PPDPFL: variants seen among roughly 807,000 people sequenced by gnomAD.
The protein encoded by PPDPFL is pancreatic progenitor cell differentiation and proliferation factor-like protein.
PPDPFL carries 12 observed loss-of-function variants against 12.6 expected under a neutral mutation model. The observed-to-expected ratio is 0.95, with a 90% CI of 0.61 to 1.54. The LOEUF is 1.54. Among genes scored for constraint, PPDPFL ranks in the 40% most tolerant of loss-of-function variants. PPDPFL has a pLI of 0.00. For synonymous variants in PPDPFL, 24 were observed against 32.7 expected (o/e 0.73, Z 0.91); for missense variants, 114 against 96.0 (o/e 1.19, Z -0.78).
At chr8:49,066,111 A>G (rs925304763) in intron 1 of PPDPFL, among the ~76,000 whole-genome samples, 8 of 152,228 alleles carry the variant, frequency 5.3e-5, no homozygotes, top group African/African-American at 1.7e-4. Context: ...TAAACAACGC[A>G]TTTCTCACAG....
At position 49,074,058 on chromosome 8, in the gene PPDPFL, G is replaced by C. The variant is rs1249846065; in HGVS notation, c.56-1G>C. ...TGTTTAATATCATTTGTTTCCTACA[G>C]AGTCCAGTGTTTCTTCAGTTAGTTC... On this transcript the variant is annotated splice_acceptor_variant, in intron 2 of 4. Coordinates refer to ENST00000522267, the MANE Select transcript of PPDPFL (RefSeq NM_001256597.2). LOFTEE classifies it high-confidence loss of function. 6.2e-7 allele frequency: 1 copy of C among 1,605,100 alleles called. No homozygotes were observed. Among genetic ancestry groups the C allele is most frequent in the East Asian group, 2.2e-5 (1 of 44,804 alleles).
At chr8:49,074,952 G>A (rs558888272) in intron 4 of PPDPFL, 200 bp from the exon 5 acceptor site, 159 of 1,376,238 alleles carry the variant, frequency 1.2e-4, no homozygotes, top group South Asian at 4.1e-4. Context: ...TGATTCTGAT[G>A]AATTTCCTAT....
chr8:49,068,137 C>A (rs1009726439), upstream of PPDPFL, among the ~76,000 whole-genome samples: 21 of 152,254 alleles, frequency 1.4e-4, no homozygotes, highest in Admixed American at 1.3e-3. Flanking sequence ...ATTTTTAGAA[C>A]CTAAACTACC....
upstream of PPDPFL, among the ~76,000 whole-genome samples, chr8:49,070,323 C>T (rs1808357779): frequency 6.6e-6 from 1 of 152,158 alleles, no homozygotes; most frequent in South Asian, 2.1e-4. Context: ...ATGAAAGAAT[C>T]TGTACAGCAA....
At position 49,072,856 on chromosome 8, in the gene PPDPFL, G is replaced by C. The variant is rs752523434; in HGVS notation, c.26G>C (p.Cys9Ser). Residue 9 changes from cysteine (C) to serine (S), a missense_variant, in exon 2 of 5, where the codon TGC becomes TCC. Coordinates refer to ENST00000522267, the MANE Select transcript of PPDPFL (RefSeq NM_001256597.2). ...ATGGCATCCGTACCTTCCATTGGTT[G>C]CCTTCTAGCCAGAAATCAGTATTAT... is the stretch of plus-strand genomic sequence containing the variant. Reference protein sequence around the residue: MASVPSIGCLLARNQYYRK... With the variant: MASVPSIGSLLARNQYYRK... 4.4e-6 allele frequency: 7 copies of C among 1,606,298 alleles called. No individual in the cohort carries two copies. In the East Asian group the frequency reaches 1.4e-4, roughly 31 times the overall value.
chr8:49,074,402 T>A, intron 4 of PPDPFL, 69 bp downstream of exon 4: 1 of 1,585,420 alleles, frequency 6.3e-7, no homozygotes, highest in Non-Finnish European at 8.6e-7. Context: ...ATGGTATGTG[T>A]TATGCTACTC....
At chr8:49,058,037 T>A (rs1249879558) in intron 1 of PPDPFL, among the ~76,000 whole-genome samples, 1 of 152,136 alleles carries the variant, frequency 6.6e-6, no homozygotes, top group Non-Finnish European at 1.5e-5. Context: ...CTCAGCACAT[T>A]TAGACAAAAT....
intron 1 of PPDPFL, 43 bp from the exon 2 acceptor site, chr8:49,072,744 C>T: frequency 1.1e-6 from 1 of 918,792 alleles, no homozygotes; most frequent in South Asian, 1.7e-5. Context: ...AGGAAACTCC[C>T]TGTTATTCAT....
intron 1 of PPDPFL, among the ~76,000 whole-genome samples, chr8:49,066,206 A>T (rs1223747716): frequency 6.6e-6 from 1 of 152,204 alleles, no homozygotes; most frequent in East Asian, 1.9e-4. Flanking sequence ...AATAAATGTT[A>T]AAAATGAAAG....
intron 1 of PPDPFL, among the ~76,000 whole-genome samples, chr8:49,065,729 C>A (rs1268187823): frequency 6.6e-6 from 1 of 152,164 alleles, no homozygotes; most frequent in East Asian, 1.9e-4. Flanking sequence ...ACTGGGCCTG[C>A]TTAGCAGAGC....
chr8:49,064,340 C>A (rs903411595), intron 1 of PPDPFL, among the ~76,000 whole-genome samples: 2 of 152,168 alleles, frequency 1.3e-5, no homozygotes. Context: ...TCAGGAAACA[C>A]AGGCCAGAGA....
chr8:49,063,472 C>A (rs1808245733), intron 1 of PPDPFL, among the ~76,000 whole-genome samples: 1 of 152,150 alleles, frequency 6.6e-6, no homozygotes, highest in Non-Finnish European at 1.5e-5. Context: ...GTAGTCCCAG[C>A]ACTTTGGGAG....
In PPDPFL at chr8:49,074,799, T is replaced by A. The variant is rs954035020; in HGVS notation, c.234-353T>A. On this transcript the variant is annotated intron_variant, in intron 4 of 4. Coordinates refer to ENST00000522267, the MANE Select transcript of PPDPFL (RefSeq NM_001256597.2). Reference sequence around the variant, plus strand: ...GCAGTTGTTTTCAGACATTTTGAACTCAAACACACTGACTAGCACAGTTGT... The same window carrying A: ...GCAGTTGTTTTCAGACATTTTGAACACAAACACACTGACTAGCACAGTTGT... 2.1e-6 allele frequency: 3 copies of A among 1,429,454 alleles called. No homozygotes were observed. The South Asian group carries it at 4.6e-5, about 22-fold the overall frequency. 88.5% of individuals were successfully genotyped at this position (1,429,454 alleles called of 1,614,324 possible). A position where few individuals can be genotyped will look rare whatever the true frequency, so the allele number is the denominator to read the frequency against.
chr8:49,073,984 T>C (rs1808440960), intron 2 of PPDPFL, 75 bp from the exon 3 acceptor site: 2 of 950,336 alleles, frequency 2.1e-6, no homozygotes, highest in Non-Finnish European at 3.4e-6. Context: ...ACTTGACAGT[T>C]TGTATATAAA....
chr8:49,067,439 T>C (rs1808316830), upstream of PPDPFL, among the ~76,000 whole-genome samples: 1 of 152,250 alleles, frequency 6.6e-6, no homozygotes, highest in Non-Finnish European at 1.5e-5. Context: ...AGATATTTTA[T>C]AACCGCAGAT....
At position 49,072,497 on chromosome 8, in the gene PPDPFL, C is replaced by T. The variant is rs1446426676; in HGVS notation, c.-45+15C>T. On this transcript the variant is annotated intron_variant, in intron 1 of 4. Coordinates refer to ENST00000522267, the MANE Select transcript of PPDPFL (RefSeq NM_001256597.2). ...AAAACAAATCGGTGAGTGACTACCTCATGGCTGAGTTAACACTTCTCTGAC... is the reference window on the plus strand; with the variant it reads ...AAAACAAATCGGTGAGTGACTACCTTATGGCTGAGTTAACACTTCTCTGAC... 5.6e-6 allele frequency: 1 copy of T among 177,468 alleles called. No homozygotes were observed. The highest frequency in any genetic ancestry group is 1.2e-5 in the Non-Finnish European group (1 of 85,158). 11.0% of individuals were successfully genotyped at this position (177,468 alleles called of 1,614,324 possible).
At chr8:49,065,851 C>A (rs1342985185) in intron 1 of PPDPFL, among the ~76,000 whole-genome samples, 1 of 152,216 alleles carries the variant, frequency 6.6e-6, no homozygotes, top group Non-Finnish European at 1.5e-5. Context: ...ACACTCTGTG[C>A]CACTCCCTAT....
rs1023495666 is a variant in PPDPFL at position 49,072,571 on chromosome 8, G to A, written c.-45+89G>A. ...TAAGTTCTGTGCATTGTGTATAGTTGGATGTATAGTTTTTCTTTTTCACCT... is the reference window on the plus strand; with the variant it reads ...TAAGTTCTGTGCATTGTGTATAGTTAGATGTATAGTTTTTCTTTTTCACCT... On this transcript the variant is annotated intron_variant, in intron 1 of 4. Transcript: ENST00000522267. 4 of 342,156 alleles carry A rather than the reference G, an allele frequency of 1.2e-5. No homozygotes were observed. The East Asian group carries it at 2.0e-4, about 17-fold the overall frequency. 21.2% of individuals were successfully genotyped at this position (342,156 alleles called of 1,614,324 possible).
At chr8:49,058,303 T>C (rs1808143220) in intron 1 of PPDPFL, among the ~76,000 whole-genome samples, 1 of 152,240 alleles carries the variant, frequency 6.6e-6, no homozygotes, top group Non-Finnish European at 1.5e-5. Context: ...ATATGCACCA[T>C]ATATTACAAT....
Sources: gnomAD v4.1 joint callset for allele counts (sites outside exome capture counted in the v4.1 genomes callset) on GRCh38, gnomAD v4.1.1 for gene constraint, MANE v1.5 for transcripts, NCBI Gene and HGNC (gene_info 2026-07-23, HGNC 2026-07-21) for gene names.